Variants in GFPT2 observed in about 807,000 individuals in gnomAD.
The protein encoded by GFPT2 is glutamine--fructose-6-phosphate aminotransferase [isomerizing] 2.
A neutral mutation model predicts 85.6 loss-of-function variants in GFPT2; 62 were observed. The observed-to-expected ratio is 0.72, with a 90% CI of 0.59 to 0.90. The LOEUF is 0.90. Ranked by LOEUF, GFPT2 falls within the 40% of genes least tolerant of loss-of-function variation. The pLI, the probability that GFPT2 is intolerant of heterozygous loss-of-function variation, is 0.00. For synonymous variants in GFPT2, 368 were observed against 344.5 expected, an observed-to-expected ratio of 1.07 and a Z score of -0.75; for missense variants, 788 against 893.4, an observed-to-expected ratio of 0.88 and a Z score of 1.50.
intron 16 of GFPT2, 37 bp from the exon 17 acceptor site, chr5:180,304,976 A>T: frequency 6.8e-7 from 1 of 1,481,368 alleles, no homozygotes; most frequent in East Asian, 2.3e-5. Flanking sequence ...CACACTGGGC[A>T]GATGGGGCTG....
chr5:180,302,681 A>C, intron 17 of GFPT2, 97 bp from the exon 18 acceptor site: 1 of 926,746 alleles, frequency 1.1e-6, no homozygotes, highest in Non-Finnish European at 1.6e-6. Context: ...CTGTGATGAG[A>C]ACAGTCCTCT....
chr5:180,320,233 C>G (rs1764092484), intron 9 of GFPT2, among the ~76,000 whole-genome samples: 1 of 151,988 alleles, frequency 6.6e-6, no homozygotes, highest in South Asian at 2.1e-4. Context: ...ACCTCGTGAT[C>G]CGCCCGCCTC....
intron 1 of GFPT2, among the ~76,000 whole-genome samples, chr5:180,349,681 A>G (rs1764673753): frequency 1.3e-5 from 2 of 152,028 alleles, no homozygotes; most frequent in Non-Finnish European, 2.9e-5. Flanking sequence ...TGGGCCAAGT[A>G]AAACCGATTC....
At chr5:180,345,272 T>C (rs1334077269) in intron 1 of GFPT2, among the ~76,000 whole-genome samples, 1 of 152,294 alleles carries the variant, frequency 6.6e-6, no homozygotes, top group Non-Finnish European at 1.5e-5. Flanking sequence ...TACTTGGTTG[T>C]GGCTTGGTCA....
intron 15 of GFPT2, among the ~76,000 whole-genome samples, chr5:180,308,187 C>T (rs538571239): frequency 5.0e-4 from 75 of 151,070 alleles, no homozygotes; most frequent in African/African-American, 1.6e-3. Flanking sequence ...ACCTGGGAGG[C>T]GGAGCTTGCA....
At position 180,301,577 on chromosome 5, in the gene GFPT2, A is replaced by G; in HGVS notation, c.2036T>C (p.Val679Ala). 1.2e-6 allele frequency: 2 copies of G among 1,613,594 alleles called. No individual in the cohort carries two copies. Among genetic ancestry groups the G allele is most frequent in the South Asian group, 2.2e-5 (2 of 91,070 alleles). ...ACGGTCTCAGCCTCATTCCACAGTT[A>G]CAGACTTGGCCAGATTTCTGGGGAA... ...VDFPRNLAKS[V>A]TVE Residue 679 changes from valine to alanine, a missense_variant, in exon 19 of 19, where the codon GTA (valine) becomes GCA (alanine). By Grantham distance (64) the Val-to-Ala change is moderately conservative. Transcript: ENST00000253778.
Position 180,318,666 on chromosome 5 carries a change from C to T in GFPT2, c.958+127G>A, listed in dbSNP as rs114797869. 5.7e-3 allele frequency: 4,452 copies of T among 784,876 alleles called. 115 individuals are homozygous for T. In the African/African-American group the frequency reaches 0.065, roughly 12 times the overall value. 48.6% of individuals were successfully genotyped at this position (784,876 alleles called of 1,614,324 possible). On this transcript the variant is annotated intron_variant, in intron 10 of 18. Transcript: ENST00000253778. This position sits in a 1 kb window ranked among gnomAD's most constrained non-coding sequence, Gnocchi z 4.2. ...TGTGCAAGCCACAGGCTACCTGCAG[C>T]CCCGCCCTGGTGGCCACAGAGGGCA...
At chr5:180,301,951 T>C (rs1185428965) in intron 18 of GFPT2, among the ~76,000 whole-genome samples, 1 of 84,734 alleles carries the variant, frequency 1.2e-5, no homozygotes, top group Admixed American at 1.4e-4. Flanking sequence ...TGGGACTTAT[T>C]TGTTTAGGGT....
At chr5:180,320,898 C>G (rs916956681) in intron 9 of GFPT2, among the ~76,000 whole-genome samples, 1 of 152,178 alleles carries the variant, frequency 6.6e-6, no homozygotes, top group Non-Finnish European at 1.5e-5. Flanking sequence ...GTATATCCAG[C>G]CAGATCCTAG....
At chr5:180,349,543 C>T (rs1581392740) in intron 1 of GFPT2, among the ~76,000 whole-genome samples, 1 of 152,160 alleles carries the variant, frequency 6.6e-6, no homozygotes, top group East Asian at 1.9e-4. Flanking sequence ...AGGGCTGCAG[C>T]CAGCACAGAG....
At chr5:180,322,764 C>T (rs180924018) in intron 9 of GFPT2, among the ~76,000 whole-genome samples, 3 of 152,098 alleles carry the variant, frequency 2.0e-5, no homozygotes, top group African/African-American at 7.2e-5. Context: ...TGGATGGGCG[C>T]GGTGGCTCAC....
chr5:180,348,248 G>A (rs1764647972), intron 1 of GFPT2, among the ~76,000 whole-genome samples: 1 of 152,230 alleles, frequency 6.6e-6, no homozygotes, highest in African/African-American at 2.4e-5. Context: ...GCCTCAATGA[G>A]GGCTCGTGAA....
At position 180,331,765 on chromosome 5, in the gene GFPT2, T is replaced by C; in HGVS notation, c.341-212A>G. The C allele has an allele frequency of 5.2e-6, 3 of 581,862 alleles. No homozygotes were observed. In the South Asian group the frequency reaches 5.3e-5, roughly 10 times the overall value. 36.0% of individuals were successfully genotyped at this position (581,862 alleles called of 1,614,324 possible). On this transcript the variant is annotated intron_variant, in intron 4 of 18. Coordinates refer to ENST00000253778, the MANE Select transcript of GFPT2 (RefSeq NM_005110.4). Reference sequence around the variant, plus strand: ...CACCAGGGATGTCTAGGGCAGCGGCTACTACAATGGGATCCGGAGGAAATA... The same window carrying C: ...CACCAGGGATGTCTAGGGCAGCGGCCACTACAATGGGATCCGGAGGAAATA...
Position 180,330,138 on chromosome 5 carries a change from T to G in GFPT2, c.534+562A>C, listed in dbSNP as rs1033845074. On this transcript the variant is annotated intron_variant, in intron 6 of 18. Transcript: ENST00000253778. This position sits in a 1 kb window ranked among gnomAD's most constrained non-coding sequence, Gnocchi z 4.4. ...GAGTTCGAGACCAGCCTGGTCAACA[T>G]AGTGAAACCCTGTCTCTACTAAAAG... Among the ~76,000 whole-genome samples the G allele has an allele frequency of 6.6e-6, 1 of 152,266 alleles. No homozygotes were observed. The highest frequency in any genetic ancestry group is 1.9e-4 in the East Asian group (1 of 5,184).
Position 180,323,100 on chromosome 5 carries a change from G to A in GFPT2, c.794+1088C>T, listed in dbSNP as rs980870784. Among the ~76,000 whole-genome samples, 1 of 152,008 alleles carries A rather than the reference G, an allele frequency of 6.6e-6. No individual in the cohort carries two copies. Among genetic ancestry groups the A allele is most frequent in the South Asian group, 2.1e-4 (1 of 4,826 alleles). ...CATTGAATATAAGTTACTATTGATC[G>A]TTAAGATCACAATTATTTGACAAAC... On this transcript the variant is annotated intron_variant, in intron 9 of 18. Transcript: ENST00000253778. This position sits in a 1 kb window ranked among gnomAD's most constrained non-coding sequence, Gnocchi z 4.0.
intron 12 of GFPT2, 103 bp downstream of exon 12, chr5:180,316,661 A>G: frequency 1.0e-6 from 1 of 959,514 alleles, no homozygotes; most frequent in Non-Finnish European, 1.6e-6. Flanking sequence ...AATGGGTACA[A>G]GGGCTTAGCC....
chr5:180,302,053 G>A (rs2127644969), intron 18 of GFPT2, among the ~76,000 whole-genome samples: 1 of 151,348 alleles, frequency 6.6e-6, no homozygotes, highest in Middle Eastern at 3.4e-3. Context: ...CACTTTGGGA[G>A]GCTGAGGCAG....
chr5:180,331,584 T>C (rs370457157), intron 4 of GFPT2, 31 bp from the exon 5 acceptor site: 74 of 1,288,048 alleles, frequency 5.7e-5, no homozygotes, highest in Non-Finnish European at 1.9e-5. Context: ...GAAATGCTAT[T>C]GAGAAGGAGG....
At chr5:180,324,370 G>A (rs1279618162) in intron 8 of GFPT2, 65 bp from the exon 9 acceptor site, 4 of 935,550 alleles carry the variant, frequency 4.3e-6, no homozygotes, top group Middle Eastern at 2.2e-4. Context: ...TATGCAGCAA[G>A]GAACCAATTT....
Sources: gnomAD v4.1 joint callset for allele counts (sites outside exome capture counted in the v4.1 genomes callset) on GRCh38, gnomAD v4.1.1 for gene constraint, Gnocchi (gnomAD v3.1) non-coding constraint, MANE v1.5 for transcripts, NCBI Gene and HGNC (gene_info 2026-07-23, HGNC 2026-07-21) for gene names.